Variants in FARS2 observed in about 807,000 individuals in gnomAD.
FARS2 encodes the protein phenylalanyl-tRNA synthetase 2, mitochondrial.
Under a neutral mutation model 46.4 loss-of-function variants are expected in FARS2, and 40 were observed. That is an observed-to-expected ratio of 0.86 (90% CI 0.67 to 1.12). FARS2 has a LOEUF of 1.12. FARS2 is among the 50% of genes most tolerant of loss of function. The probability of loss-of-function intolerance (pLI) is 0.00; values close to 1 mark genes in which losing one functional copy is unlikely to be tolerated. For synonymous variants in FARS2, 234 were observed against 214.9 expected (o/e 1.09, Z -0.78); for missense variants, 513 against 567.9 (o/e 0.90, Z 0.98).
At chr6:5,425,615 C>A (rs1377811072) in intron 3 of FARS2, among the ~76,000 whole-genome samples, 1 of 152,188 alleles carries the variant, frequency 6.6e-6, no homozygotes, top group African/African-American at 2.4e-5. Context: ...ACAGTGCTGC[C>A]TTCCCCATCC....
chr6:5,413,729 TC>T (rs554041570), intron 3 of FARS2, among the ~76,000 whole-genome samples: 1 of 152,198 alleles, frequency 6.6e-6, no homozygotes, highest in African/African-American at 2.4e-5. Flanking sequence ...TCTTTATGCT[TC>T]CCCCTCCTGT....
chr6:5,716,267 C>T (rs964853325), intron 6 of FARS2, among the ~76,000 whole-genome samples: 3 of 152,140 alleles, frequency 2.0e-5, no homozygotes, highest in Non-Finnish European at 4.4e-5. Context: ...TTCTTGTTTT[C>T]CATGTTTGTC....
chr6:5,558,233 C>T (rs1582443495), intron 5 of FARS2, among the ~76,000 whole-genome samples: 2 of 152,220 alleles, frequency 1.3e-5, no homozygotes, highest in East Asian at 3.9e-4. Context: ...TCATTCTGCT[C>T]CTTTACTCAG....
At chr6:5,281,603 C>A (rs1766728133) in intron 1 of FARS2, among the ~76,000 whole-genome samples, 2 of 152,146 alleles carry the variant, frequency 1.3e-5, no homozygotes, top group South Asian at 4.1e-4. Context: ...CTCTGTACTC[C>A]TTAAACAGCA....
Position 5,625,186 on chromosome 6 carries a change from A to AT in FARS2, c.1217+11869dup, listed in dbSNP as rs368847062. Among the ~76,000 whole-genome samples the AT allele has an allele frequency of 4.4e-3, 675 of 152,278 alleles. 6 individuals carry two copies. Among genetic ancestry groups the AT allele is most frequent in the African/African-American group, 0.016 (644 of 41,548 alleles). On this transcript the variant is annotated intron_variant, in intron 6 of 6. Transcript: ENST00000274680. ...TTAGGTCTCTAAAGACAGGCCTGTG[A>AT]TTTGTGAGAAAGTCTCAAGGATATG...
rs1764356317 is a variant in FARS2 at position 5,449,364 on chromosome 6, AAAG to A, written c.904+18195_904+18197del. ...TAAGACTCCATCTCAAAAAAAAAAA[AAAG>A]AAAAAAAAGAAAAAGAAAACTCATA... is the stretch of plus-strand genomic sequence containing the variant. On this transcript the variant is annotated intron_variant, in intron 4 of 6. Transcript: ENST00000274680. Among the ~76,000 whole-genome samples the A allele has an allele frequency of 2.6e-5, 4 of 151,162 alleles. No individual in the cohort carries two copies. The South Asian group carries it at 8.3e-4, about 31-fold the overall frequency.
At chr6:5,490,472 T>G (rs143349497) in intron 4 of FARS2, among the ~76,000 whole-genome samples, 10 of 152,330 alleles carry the variant, frequency 6.6e-5, no homozygotes, top group Admixed American at 6.5e-4. Flanking sequence ...ATATTGTTAA[T>G]AGTATTTTTT....
intron 4 of FARS2, among the ~76,000 whole-genome samples, chr6:5,511,007 G>C (rs1449482712): frequency 6.6e-6 from 1 of 152,172 alleles, no homozygotes; most frequent in African/African-American, 2.4e-5. Context: ...AGCCTGAGTT[G>C]TCTCCCATGC....
intron 1 of FARS2, among the ~76,000 whole-genome samples, chr6:5,290,522 A>G (rs1386877843): frequency 6.6e-6 from 1 of 152,256 alleles, no homozygotes; most frequent in Non-Finnish European, 1.5e-5. Context: ...TAAATAATAT[A>G]GGAATTTTTA....
chr6:5,600,830 T>A (rs972394197), intron 5 of FARS2, among the ~76,000 whole-genome samples: 1 of 152,210 alleles, frequency 6.6e-6, no homozygotes, highest in African/African-American at 2.4e-5. Flanking sequence ...TTAATTAGGC[T>A]GAATAGACTA....
At chr6:5,669,923 G>A (rs1391074301) in intron 6 of FARS2, among the ~76,000 whole-genome samples, 1 of 152,164 alleles carries the variant, frequency 6.6e-6, no homozygotes, top group African/African-American at 2.4e-5. Flanking sequence ...CACAGCTCAT[G>A]ACCTATGAAC....
chr6:5,270,144 A>G (rs1011064996), intron 1 of FARS2, among the ~76,000 whole-genome samples: 2 of 152,174 alleles, frequency 1.3e-5, no homozygotes, highest in African/African-American at 4.8e-5. Flanking sequence ...TGCAGTGCAA[A>G]GGGAAAGTAA....
intron 2 of FARS2, chr6:5,371,226 A>G (rs913499569): frequency 1.1e-4 from 109 of 974,040 alleles, no homozygotes; most frequent in Non-Finnish European, 1.3e-4. Flanking sequence ...CCTAACCTCA[A>G]CTAAAGTGTT....
At chr6:5,723,626 T>G (rs1051214387) in intron 6 of FARS2, among the ~76,000 whole-genome samples, 1 of 152,234 alleles carries the variant, frequency 6.6e-6, no homozygotes, top group African/African-American at 2.4e-5. Context: ...TTTTCCTTTC[T>G]TTATGTAACT....
At chr6:5,635,025 G>T (rs112712105) in intron 6 of FARS2, among the ~76,000 whole-genome samples, 68 of 152,338 alleles carry the variant, frequency 4.5e-4, no homozygotes, top group Middle Eastern at 3.4e-3. Flanking sequence ...CGCCCTGAGT[G>T]CAAGTCTTGG....
Position 5,353,190 on chromosome 6 carries a change from A to G in FARS2, c.-21-15360A>G, listed in dbSNP as rs114499897. Among the ~76,000 whole-genome samples, 666 of 152,316 alleles carry G rather than the reference A, an allele frequency of 4.4e-3. 4 individuals are homozygous for G. The highest frequency in any genetic ancestry group is 6.1e-3 in the Non-Finnish European group (416 of 68,026). On this transcript the variant is annotated intron_variant, in intron 1 of 6. Coordinates refer to ENST00000274680, the MANE Select transcript of FARS2 (RefSeq NM_006567.5). The stretch of plus-strand genomic sequence containing the variant: ...TTCTGTGTCTTTCATTTCGTTTAAC[A>G]TAATGTGCTATAGATTCATCCATGT...
upstream of FARS2, among the ~76,000 whole-genome samples, chr6:5,258,907 G>A (rs140541684): frequency 1.9e-3 from 284 of 152,218 alleles, 2 homozygotes; most frequent in African/African-American, 6.6e-3. Context: ...GTTGAGTTTC[G>A]TGAATGATTT....
intron 3 of FARS2, among the ~76,000 whole-genome samples, chr6:5,424,529 G>A (rs11752854): frequency 0.16 from 23,948 of 152,126 alleles, 2,542 homozygotes; most frequent in East Asian, 0.46. Flanking sequence ...AAAAAGCGTG[G>A]TGCCGAATAA....
intron 3 of FARS2, among the ~76,000 whole-genome samples, chr6:5,430,579 T>G (rs992857806): frequency 2.6e-5 from 4 of 151,554 alleles, no homozygotes; most frequent in Admixed American, 6.6e-5. Context: ...AATATATATA[T>G]TTATATATAC....
Sources: gnomAD v4.1 joint callset for allele counts (sites outside exome capture counted in the v4.1 genomes callset) on GRCh38, gnomAD v4.1.1 for gene constraint, MANE v1.5 for transcripts, NCBI Gene and HGNC (gene_info 2026-07-23, HGNC 2026-07-21) for gene names.